The following NME7 variants were observed in gnomAD, a reference collection of about 807,000 sequenced individuals.
NME7 encodes nucleoside diphosphate kinase 7.
NME7 carries 41 observed loss-of-function variants against 49.1 expected under a neutral mutation model. The observed-to-expected ratio is 0.83, with a 90% CI of 0.65 to 1.08. The LOEUF is 1.08. NME7 is among the 50% of genes least tolerant of loss of function. NME7 has a pLI of 0.00. For missense variants in NME7, 423 were observed against 463.4 expected (o/e 0.91, Z 0.80); for synonymous variants, 139 against 150.6 (o/e 0.92, Z 0.56).
chr1:169,260,159 AG>A (rs1198943657), intron 7 of NME7, among the ~76,000 whole-genome samples: 2 of 133,602 alleles, frequency 1.5e-5, no homozygotes, highest in African/African-American at 5.1e-5. Context: ...TTTGAACCAT[AG>A]GTTTTCTAGA....
chr1:169,341,072 A>C (rs1467475085), intron 1 of NME7, among the ~76,000 whole-genome samples: 4 of 152,246 alleles, frequency 2.6e-5, no homozygotes, highest in Admixed American at 6.5e-5. Flanking sequence ...ACAATGGGGA[A>C]AATGCCTCCA....
At chr1:169,170,731 ATG>A (rs1051140737) in intron 10 of NME7, among the ~76,000 whole-genome samples, 2 of 152,140 alleles carry the variant, frequency 1.3e-5, no homozygotes, top group African/African-American at 4.8e-5. Context: ...CCTGGCTAAC[ATG>A]GTGAAGCCCT....
intron 10 of NME7, among the ~76,000 whole-genome samples, chr1:169,201,208 G>C (rs1246622731): frequency 6.6e-6 from 1 of 152,118 alleles, no homozygotes; most frequent in Admixed American, 6.6e-5. Flanking sequence ...TCCAGCCTGG[G>C]TGACAGAGCG....
rs1358029086 is a variant in NME7, at chr1:169,271,716, T to C, written c.754+15587A>G. 1.5e-5 allele frequency among the ~76,000 whole-genome samples: 2 copies of C among 133,018 alleles called. 1 individual carries two copies. The highest frequency in any genetic ancestry group is 3.5e-5 in the Non-Finnish European group (2 of 56,792). The allele number at this position is 133,018 out of a possible 152,430, so 87.3% of individuals were successfully genotyped here. The stretch of plus-strand genomic sequence containing the variant: ...CAACAGAAGGGATAATCCTATTCCA[T>C]TTCAGCTGCTCTCTTATCAGCAACT... On this transcript the variant is annotated intron_variant, in intron 7 of 11. Transcript: ENST00000367811.
chr1:169,242,608 C>T (rs1364076175), intron 7 of NME7, among the ~76,000 whole-genome samples: 1 of 151,488 alleles, frequency 6.6e-6, no homozygotes, highest in African/African-American at 2.4e-5. Flanking sequence ...AAAAAGTATA[C>T]AGACAAGAAA....
At chr1:169,155,581 CTGAATTTATTCAGT>C (rs150457521) in intron 11 of NME7, among the ~76,000 whole-genome samples, 2,233 of 152,236 alleles carry the variant, frequency 0.015, 58 homozygotes, top group African/African-American at 0.051. Context: ...TCAGGTAAAG[CTGAATTTATTCAGT>C]TGAAGAGACA....
intron 3 of NME7, among the ~76,000 whole-genome samples, chr1:169,311,484 T>C (rs1431364751): frequency 6.6e-6 from 1 of 151,882 alleles, no homozygotes. Context: ...GGCTGAGTTT[T>C]AAAACTGTAA....
intron 10 of NME7, among the ~76,000 whole-genome samples, chr1:169,211,623 C>T (rs940301725): frequency 7.2e-5 from 11 of 152,040 alleles, no homozygotes; most frequent in African/African-American, 2.7e-4. Context: ...GGATCACGAA[C>T]ATGTAATAAA....
chr1:169,227,653 C>A (rs1647401884), intron 10 of NME7, among the ~76,000 whole-genome samples: 1 of 151,950 alleles, frequency 6.6e-6, no homozygotes, highest in South Asian at 2.1e-4. Context: ...CTCAGGTCTC[C>A]CTTCCTCTTC....
chr1:169,219,043 T>C (rs1385830477), intron 10 of NME7, among the ~76,000 whole-genome samples: 1 of 152,138 alleles, frequency 6.6e-6, no homozygotes, highest in Non-Finnish European at 1.5e-5. Flanking sequence ...GCTCTTCATT[T>C]CTCTGGAACT....
chr1:169,196,483 T>C (rs1004154273), intron 10 of NME7, among the ~76,000 whole-genome samples: 2 of 152,204 alleles, frequency 1.3e-5, no homozygotes, highest in Non-Finnish European at 2.9e-5. Context: ...ATTACTGCAG[T>C]ATCCGCATGC....
At chr1:169,241,609 G>A (rs1382967536) in intron 7 of NME7, among the ~76,000 whole-genome samples, 3 of 151,664 alleles carry the variant, frequency 2.0e-5, no homozygotes, top group African/African-American at 7.3e-5. Context: ...CGATATATAG[G>A]AAGATGCTCA....
rs1397738105 is a variant in NME7, at chr1:169,155,133, G to A, written c.1098+14314C>T. 3.3e-5 allele frequency among the ~76,000 whole-genome samples: 5 copies of A among 152,108 alleles called. No homozygotes were observed. In the East Asian group the frequency reaches 7.7e-4, roughly 24 times the overall value. On this transcript the variant is annotated intron_variant, in intron 11 of 11. Coordinates refer to ENST00000367811, the MANE Select transcript of NME7 (RefSeq NM_013330.5). ...TTTAACATAGATAAAATCACCACTCGCAGGACTCAACTAGTTTACATTCCT... is the reference window on the plus strand; with the variant it reads ...TTTAACATAGATAAAATCACCACTCACAGGACTCAACTAGTTTACATTCCT...
chr1:169,278,611 C>A (rs1485725842), intron 7 of NME7, among the ~76,000 whole-genome samples: 1 of 152,172 alleles, frequency 6.6e-6, no homozygotes, highest in Non-Finnish European at 1.5e-5. Context: ...AAAGTTTTCA[C>A]CTTCTTTGCC....
rs569954266 is a variant in NME7 at position 169,270,076 on chromosome 1, T to A, written c.754+17227A>T. On this transcript the variant is annotated intron_variant, in intron 7 of 11. Transcript: ENST00000367811. ...ATGAGCCACCATGCCTGGCCAAAAT[T>A]TTCCTTTATAAGAATTTTCTACACA... is the stretch of plus-strand genomic sequence containing the variant. 8.2e-5 allele frequency among the ~76,000 whole-genome samples: 11 copies of A among 133,660 alleles called. 3 individuals are homozygous for A. In the South Asian group the frequency reaches 2.5e-3, roughly 31 times the overall value. 87.7% of individuals were successfully genotyped at this position (133,660 alleles called of 152,430 possible).
rs397724189 is a variant in NME7, at chr1:169,309,965, A to AG, written c.389+4_389+5insC. Reference sequence around the variant, plus strand: ...TTACATAACTGAAAATGATAAAAAAATTACCTTGAAAGCATCATCATTTTG... The same window carrying AG: ...TTACATAACTGAAAATGATAAAAAAAGTTACCTTGAAAGCATCATCATTTTG... On this transcript the variant is annotated splice_donor_region_variant and intron_variant, in intron 4 of 11. Coordinates refer to ENST00000367811, the MANE Select transcript of NME7 (RefSeq NM_013330.5). The AG allele has an allele frequency of 1.5e-5, 22 of 1,490,874 alleles. No homozygotes were observed. Among genetic ancestry groups the AG allele is most frequent in the Non-Finnish European group, 2.0e-5 (22 of 1,083,610 alleles). 92.4% of individuals were successfully genotyped at this position (1,490,874 alleles called of 1,614,324 possible). A position where few individuals can be genotyped will look rare whatever the true frequency, so the allele number is the denominator to read the frequency against.
At chr1:169,137,695 A>G (rs1658471908) in intron 11 of NME7, among the ~76,000 whole-genome samples, 1 of 152,146 alleles carries the variant, frequency 6.6e-6, no homozygotes, top group East Asian at 1.9e-4. Context: ...TCTCCAAGGC[A>G]CTACTTACTT....
intron 7 of NME7, among the ~76,000 whole-genome samples, chr1:169,246,617 AT>A (rs3216527): frequency 0.048 from 7,247 of 151,294 alleles, 228 homozygotes; most frequent in East Asian, 0.12. Flanking sequence ...TTTTATTTGT[AT>A]TTTTTTTTAG....
rs1002910574 is a variant in NME7 at position 169,220,555 on chromosome 1, A to C, written c.990+10163T>G. 3.3e-5 allele frequency among the ~76,000 whole-genome samples: 5 copies of C among 152,154 alleles called. No individual in the cohort carries two copies. The East Asian group carries it at 9.6e-4, about 29-fold the overall frequency. Reference sequence around the variant, plus strand: ...CGGTTAGACAAATGTTTCTTCATTAAACACATGATCATTTTCTCCAGGATT... The same window carrying C: ...CGGTTAGACAAATGTTTCTTCATTACACACATGATCATTTTCTCCAGGATT... On this transcript the variant is annotated intron_variant, in intron 10 of 11. Coordinates refer to ENST00000367811, the MANE Select transcript of NME7 (RefSeq NM_013330.5).
Sources: gnomAD v4.1 joint callset for allele counts (sites outside exome capture counted in the v4.1 genomes callset) on GRCh38, gnomAD v4.1.1 for gene constraint, MANE v1.5 for transcripts, NCBI Gene and HGNC (gene_info 2026-07-23, HGNC 2026-07-21) for gene names.